The following DNER variants were observed in gnomAD, a reference collection of about 807,000 sequenced individuals.
The protein encoded by DNER is delta/notch like EGF repeat containing.
Under a neutral mutation model 78.2 loss-of-function variants are expected in DNER, and 33 were observed. The observed-to-expected ratio is 0.42, with a 90% CI of 0.32 to 0.56. The LOEUF (loss-of-function observed/expected upper bound fraction) is 0.56, where lower values mean the gene tolerates loss of function less well. Among genes scored for constraint, DNER ranks in the 20% least tolerant of loss-of-function variants. The pLI, the probability that DNER is intolerant of heterozygous loss-of-function variation, is 0.11. For synonymous variants in DNER, 417 were observed against 384.8 expected (o/e 1.08, Z -0.98); for missense variants, 918 against 975.3 (o/e 0.94, Z 0.78).
At chr2:229,547,512 C>T (rs1174243190) in intron 4 of DNER, among the ~76,000 whole-genome samples, 3 of 152,198 alleles carry the variant, frequency 2.0e-5, no homozygotes, top group African/African-American at 4.8e-5. Flanking sequence ...TTACCCAAGT[C>T]CTCCTCCTCC....
At chr2:229,572,232 GAGTTCTAA>G (rs1388213598) in intron 4 of DNER, among the ~76,000 whole-genome samples, 2 of 152,004 alleles carry the variant, frequency 1.3e-5, no homozygotes, top group African/African-American at 4.8e-5. Context: ...GATACACCTC[GAGTTCTAA>G]AGCCTTCACT....
chr2:229,381,376 G>C (rs1276996033), intron 11 of DNER, among the ~76,000 whole-genome samples: 1 of 152,142 alleles, frequency 6.6e-6, no homozygotes, highest in Non-Finnish European at 1.5e-5. Context: ...CTAGCTGCAG[G>C]AGTACTTTTT....
chr2:229,527,953 C>G (rs1242663158), intron 5 of DNER, among the ~76,000 whole-genome samples: 1 of 152,144 alleles, frequency 6.6e-6, no homozygotes, highest in Non-Finnish European at 1.5e-5. Context: ...AAAAGTGAGG[C>G]AAAGGGCACA....
intron 5 of DNER, among the ~76,000 whole-genome samples, chr2:229,534,180 C>G (rs1696360397): frequency 6.6e-6 from 1 of 151,832 alleles, no homozygotes; most frequent in African/African-American, 2.4e-5. Context: ...TGAAACAGAC[C>G]AATAGATTGT....
At chr2:229,524,027 G>T (rs990101321) in intron 5 of DNER, among the ~76,000 whole-genome samples, 25 of 152,234 alleles carry the variant, frequency 1.6e-4, no homozygotes, top group African/African-American at 5.8e-4. Flanking sequence ...TACCTCTGAG[G>T]TGGCTGTTAT....
chr2:229,397,425 A>G (rs988732185), intron 10 of DNER, among the ~76,000 whole-genome samples: 2 of 144,620 alleles, frequency 1.4e-5, no homozygotes, highest in Non-Finnish European at 3.0e-5. Context: ...AAGACAAAAA[A>G]TTATAGCTAA....
At chr2:229,439,833 T>A (rs1248201966) in intron 8 of DNER, among the ~76,000 whole-genome samples, 1 of 150,638 alleles carries the variant, frequency 6.6e-6, no homozygotes, top group Admixed American at 6.6e-5. Context: ...CAGCTGCCAT[T>A]TGCAACTTTC....
chr2:229,375,756 T>A (rs1692583003), intron 11 of DNER, among the ~76,000 whole-genome samples: 1 of 152,246 alleles, frequency 6.6e-6, no homozygotes, highest in Admixed American at 6.5e-5. Flanking sequence ...AGCACAAAGA[T>A]GCTGCTATGA....
intron 8 of DNER, among the ~76,000 whole-genome samples, chr2:229,433,314 T>C (rs552261598): frequency 6.6e-6 from 1 of 152,330 alleles, no homozygotes; most frequent in South Asian, 2.1e-4. Context: ...GGTCAGAACA[T>C]GTACCAGCTA....
intron 6 of DNER, among the ~76,000 whole-genome samples, chr2:229,502,783 T>C (rs1695648543): frequency 2.0e-5 from 3 of 152,184 alleles, no homozygotes; most frequent in African/African-American, 7.2e-5. Flanking sequence ...ATAGGACAGG[T>C]AACTGAAACA....
Position 229,511,614 on chromosome 2 carries a change from A to G in DNER, c.1147+1169T>C, listed in dbSNP as rs182861034. ...TTTGAACTAATGAACATACATGAAC[A>G]AAAGGAAATTAATATAAACAAGAAG... On this transcript the variant is annotated intron_variant, in intron 6 of 12. Coordinates refer to ENST00000341772, the MANE Select transcript of DNER (RefSeq NM_139072.4). 5.1e-3 allele frequency among the ~76,000 whole-genome samples: 770 copies of G among 152,372 alleles called. 3 individuals carry two copies. Among genetic ancestry groups the G allele is most frequent in the Non-Finnish European group, 8.5e-3 (576 of 68,036 alleles).
At chr2:229,572,535 A>G (rs369929711) in intron 4 of DNER, among the ~76,000 whole-genome samples, 19 of 147,976 alleles carry the variant, frequency 1.3e-4, no homozygotes, top group African/African-American at 5.1e-4. Context: ...GGAAGGAAAT[A>G]GAAGAACTAA....
chr2:229,668,534 GTGTATATATATATATATA>G (rs1559202174), intron 1 of DNER, among the ~76,000 whole-genome samples: 2 of 4,964 alleles, frequency 4.0e-4, no homozygotes, highest in African/African-American at 6.1e-4. Flanking sequence ...GTGTGTGTGT[GTGTATATATATATATATA>G]TATATATATA....
chr2:229,588,710 A>G (rs1291203083), intron 2 of DNER, among the ~76,000 whole-genome samples: 1 of 152,216 alleles, frequency 6.6e-6, no homozygotes. Context: ...AGCAATCTAC[A>G]AATTCCTGGG....
At chr2:229,514,369 C>T (rs1452317787) in intron 5 of DNER, among the ~76,000 whole-genome samples, 1 of 152,090 alleles carries the variant, frequency 6.6e-6, no homozygotes, top group Non-Finnish European at 1.5e-5. Context: ...TTTTCTTCTC[C>T]AGTTCTCAAG....
chr2:229,613,208 GT>G (rs1698082682), intron 1 of DNER, among the ~76,000 whole-genome samples: 1 of 152,108 alleles, frequency 6.6e-6, no homozygotes, highest in African/African-American at 2.4e-5. Flanking sequence ...AAAAACAGAA[GT>G]TTTGCTGGTA....
intron 5 of DNER, among the ~76,000 whole-genome samples, chr2:229,539,164 T>G (rs1362947823): frequency 6.6e-6 from 1 of 152,170 alleles, no homozygotes; most frequent in Non-Finnish European, 1.5e-5. Flanking sequence ...TCCTATTCCT[T>G]TCTTATAAGC....
chr2:229,714,182 G>A lies in DNER; in HGVS notation c.242C>T (p.Thr81Ile). 2 of 1,356,160 alleles carry A rather than the reference G, an allele frequency of 1.5e-6. No individual in the cohort carries two copies. The highest frequency in any genetic ancestry group is 1.9e-6 in the Non-Finnish European group (2 of 1,059,664). The allele number at this position is 1,356,160 out of a possible 1,614,324, so 84.0% of individuals were successfully genotyped here. Residue 81 changes from threonine (T) to isoleucine (I), a missense_variant, in exon 1 of 13, where the codon ACC (threonine) becomes ATC (isoleucine). Physicochemically the swap from Thr to Ile is moderately conservative, Grantham distance 89. Coordinates refer to ENST00000341772, the MANE Select transcript of DNER (RefSeq NM_139072.4). Reference sequence around the variant, plus strand: ...GGCGCCGGAGATCCCGGCGGGGCAGGTGCAGCTGTAGCCAGGCTCGCCGGC... The same window carrying A: ...GGCGCCGGAGATCCCGGCGGGGCAGATGCAGCTGTAGCCAGGCTCGCCGGC... ...APAGEPGYSC[T>I]CPAGISGANC...
At chr2:229,518,739 T>C (rs1696033019) in intron 5 of DNER, among the ~76,000 whole-genome samples, 1 of 152,194 alleles carries the variant, frequency 6.6e-6, no homozygotes, top group African/African-American at 2.4e-5. Flanking sequence ...CACTCTCAAT[T>C]AAATATTGAA....
Sources: gnomAD v4.1 joint callset for allele counts (sites outside exome capture counted in the v4.1 genomes callset) on GRCh38, gnomAD v4.1.1 for gene constraint, MANE v1.5 for transcripts, NCBI Gene and HGNC (gene_info 2026-07-23, HGNC 2026-07-21) for gene names.